The following THPO variants were observed in gnomAD, a reference collection of about 807,000 sequenced individuals.
THPO encodes the protein thrombopoietin, also known as MPL ligand.
Under a neutral mutation model 17.0 loss-of-function variants are expected in THPO, and 12 were observed. The ratio of observed to expected loss-of-function variants is 0.71; its 90% CI spans 0.45 to 1.14. The LOEUF (loss-of-function observed/expected upper bound fraction) is 1.14. Ranked by LOEUF, THPO falls within the 50% of genes most tolerant of loss-of-function variation. The pLI, the probability that THPO is intolerant of heterozygous loss-of-function variation, is 0.00. For missense variants in THPO, 365 were observed against 427.5 expected (o/e 0.85, Z 1.29); for synonymous variants, 188 against 183.0 (o/e 1.03, Z -0.22).
chr3:184,375,640 A>C (rs764364413), intron 3 of THPO, 39 bp from the exon 4 acceptor site: 1 of 1,604,464 alleles, frequency 6.2e-7, no homozygotes, highest in South Asian at 1.1e-5. Flanking sequence ...GGGAGCTGAA[A>C]TAGAGAGAGC....
chr3:184,372,446 CA>C lies in THPO; in HGVS notation c.*66del. On this transcript the variant is annotated 3_prime_UTR_variant, in exon 6 of 6. Coordinates refer to ENST00000647395, the MANE Select transcript of THPO (RefSeq NM_000460.4). ...TAGGAAATCTTGTCCAGTTGTCTCC[CA>C]GGGGCGCCCTGCAGGGAAGGGAGCT... 4 of 1,595,512 alleles carry C rather than the reference CA, an allele frequency of 2.5e-6. No individual in the cohort carries two copies. Among genetic ancestry groups the C allele is most frequent in the Non-Finnish European group, 3.4e-6 (4 of 1,163,990 alleles).
intron 1 of THPO, 41 bp from the exon 2 acceptor site, chr3:184,376,445 AG>A (rs1396053090): frequency 1.3e-6 from 2 of 1,487,380 alleles, no homozygotes. Context: ...CCAAGTTTCT[AG>A]GAAGAGACTG....
In THPO at chr3:184,372,303, G is replaced by A; in HGVS notation, c.*210C>T. The A allele has an allele frequency of 1.7e-6, 1 of 602,768 alleles. No homozygotes were observed. The allele number at this position is 602,768 out of a possible 1,614,324, so 37.3% of individuals were successfully genotyped here. ...AGACCAAAGAGCTAGCTGCTCTGAT[G>A]AGTATTGCTGATAGCTTAAAAAAAT... On this transcript the variant is annotated 3_prime_UTR_variant, in exon 6 of 6. Transcript: ENST00000647395.
chr3:184,374,031 C>T (rs1382179220), intron 4 of THPO, among the ~76,000 whole-genome samples: 2 of 152,140 alleles, frequency 1.3e-5, no homozygotes, highest in African/African-American at 4.8e-5. Context: ...AGTTCAAGAT[C>T]AGCCTGGCCA....
intron 1 of THPO, among the ~76,000 whole-genome samples, chr3:184,376,936 T>G (rs13084750): frequency 1.3e-5 from 2 of 152,030 alleles, no homozygotes; most frequent in South Asian, 4.1e-4. Context: ...GAATCGGACA[T>G]GGATTTGGTG....
chr3:184,375,771 C>A, intron 3 of THPO, 117 bp downstream of exon 3: 1 of 1,538,968 alleles, frequency 6.5e-7, no homozygotes, highest in South Asian at 1.1e-5. Context: ...TAGGTGGGGA[C>A]AATATGGGAA....
rs1126665 is a variant in THPO, at chr3:184,373,464, C to A, written c.347G>T (p.Gly116Val). The stretch of plus-strand genomic sequence containing the variant: ...GGCCCCAAGGAGGAGACGGACCTGT[C>A]CAGAAAGCTGCCCCAGGAGGGATGA... ...CLSSLLGQLS[G>V]QVRLLLGALQ... Residue 116 changes from glycine to valine, a missense_variant, in exon 5 of 6, where the codon GGA becomes GTA. Physicochemically the swap from Gly to Val is moderately radical, Grantham distance 109. Transcript: ENST00000647395. 5.1e-5 allele frequency: 82 copies of A among 1,614,022 alleles called. No homozygotes were observed. The African/African-American group carries it at 1.0e-3, about 20-fold the overall frequency.
rs368718658 is a variant in THPO, at chr3:184,377,302, C to T, written c.-146+773G>A. Among the ~76,000 whole-genome samples, 10 of 152,302 alleles carry T rather than the reference C, an allele frequency of 6.6e-5. 3 individuals are homozygous for T. ...CTATCTACCCCCACACATAAAGCCACTGGAGCTTTTCTCTGGACTCCAAGT... is the reference window on the plus strand; with the variant it reads ...CTATCTACCCCCACACATAAAGCCATTGGAGCTTTTCTCTGGACTCCAAGT... On this transcript the variant is annotated intron_variant, in intron 1 of 5. Transcript: ENST00000647395.
chr3:184,375,570 G>T lies in THPO; in HGVS notation c.173C>A (p.Thr58Lys). Residue 58 changes from threonine (T) to lysine (K), a missense_variant, in exon 4 of 6, where the codon ACA (threonine) becomes AAA (lysine). By Grantham distance (78) the Thr-to-Lys change is moderately conservative. Coordinates refer to ENST00000647395, the MANE Select transcript of THPO (RefSeq NM_000460.4). Reference protein sequence around the residue: ...SQCPEVHPLPTPVLLPAVDFS... With the variant: ...SQCPEVHPLPKPVLLPAVDFS... ...GTCCACAGCAGGCAGCAGGACAGGT[G>T]TAGGCAAAGGGTGAACCTCTGGGCA... The T allele has an allele frequency of 6.2e-7, 1 of 1,614,152 alleles. No individual in the cohort carries two copies. The highest frequency in any genetic ancestry group is 1.1e-5 in the South Asian group (1 of 91,078).
Position 184,373,029 on chromosome 3 carries a change from G to C in THPO, c.546C>G (p.Val182=). 6.2e-7 allele frequency: 1 copy of C among 1,614,106 alleles called. No homozygotes were observed. Among genetic ancestry groups the C allele is most frequent in the South Asian group, 1.1e-5 (1 of 91,088 alleles). Residue 182 remains valine, a synonymous_variant, in exon 6 of 6, where the codon GTC becomes GTG. Transcript: ENST00000647395. The stretch of plus-strand genomic sequence containing the variant: ...TGAGGACTAGAGAGGTTCTGCTGGG[G>C]ACAGCTGTGGTGGGTGGGGCCCGCC... ...CVRRAPPTTA[V]PSRTSLVLTL...
intron 1 of THPO, among the ~76,000 whole-genome samples, chr3:184,376,856 AAG>A (rs773271371): frequency 1.7e-3 from 207 of 121,544 alleles, no homozygotes; most frequent in Middle Eastern, 4.9e-3. Context: ...AAAAAAAAAA[AAG>A]AAAGAAAGAA....
chr3:184,372,581 G>A lies in THPO; in HGVS notation c.994C>T (p.Pro332Ser), dbSNP rs1032371674. 11 of 1,613,990 alleles carry A rather than the reference G, an allele frequency of 6.8e-6. No individual in the cohort carries two copies. The highest frequency in any genetic ancestry group is 1.1e-5 in the South Asian group (1 of 91,084). The change falls in exon 6 of 6, where the codon CCC becomes TCC. Residue 332 changes from proline to serine, a missense_variant. Coordinates refer to ENST00000647395, the MANE Select transcript of THPO (RefSeq NM_000460.4). ...TTTAGAAGAGGGCTGGTAGGGGTGG[G>A]CGTTGGAGCAGAAGGGTCAGGAAGC... ...PLLPDPSAPT[P>S]TPTSPLLNTS... is the part of the protein sequence containing the mutation.
chr3:184,375,259 G>T (rs1236324522), intron 4 of THPO, among the ~76,000 whole-genome samples: 2 of 152,182 alleles, frequency 1.3e-5, no homozygotes, highest in African/African-American at 2.4e-5. Context: ...AACGGGAATA[G>T]GTCAAAGGCA....
rs774590696 is a variant in THPO at position 184,373,071 on chromosome 3, C to A, written c.504G>T (p.Gly168=). 13 of 1,613,928 alleles carry A rather than the reference C, an allele frequency of 8.1e-6. No individual in the cohort carries two copies. In the Admixed American group the frequency reaches 1.5e-4, roughly 19 times the overall value. Residue 168 remains glycine, a synonymous_variant, in exon 6 of 6, where the codon GGG becomes GGT. Coordinates refer to ENST00000647395, the MANE Select transcript of THPO (RefSeq NM_000460.4). ...GKVRFLMLVG[G]STLCVRRAPP... ...GGGCCCGCCTGACGCAGAGGGTGGA[C>A]CCTCCTACAAGCATCAGGAAACGCA...
chr3:184,375,529 AT>A lies in THPO; in HGVS notation c.213del (p.Glu71AspfsTer18). 6.2e-7 allele frequency: 1 copy of A among 1,614,176 alleles called. No individual in the cohort carries two copies. ...GGCTTTCTTACCATCTGGGTTTTCCATTCTCCCAAGCTAAAGTCCACAGCAG... is the reference window on the plus strand; with the variant it reads ...GGCTTTCTTACCATCTGGGTTTTCCATCTCCCAAGCTAAAGTCCACAGCAG... Reference protein sequence around the residue: ...LLPAVDFSLGEWKTQMEETKA... With the variant: ...LLPAVDFSLGXWKTQMEETKA... On this transcript the variant is annotated frameshift_variant, in exon 4 of 6. Transcript: ENST00000647395. LOFTEE classifies it high-confidence loss of function.
chr3:184,377,935 T>G, intron 1 of THPO, 140 bp downstream of exon 1: 3 of 612,158 alleles, frequency 4.9e-6, no homozygotes, highest in Non-Finnish European at 6.1e-6. Flanking sequence ...GCTCCTCCCA[T>G]TCTGGGAAGG....
chr3:184,374,046 G>A (rs1168941924), intron 4 of THPO, among the ~76,000 whole-genome samples: 2 of 152,122 alleles, frequency 1.3e-5, no homozygotes, highest in Admixed American at 6.5e-5. Context: ...TGGCCAACAT[G>A]GTGAAACCCC....
At chr3:184,376,967 C>T (rs1184721509) in intron 1 of THPO, among the ~76,000 whole-genome samples, 2 of 152,160 alleles carry the variant, frequency 1.3e-5, no homozygotes, top group Non-Finnish European at 2.9e-5. Context: ...CTGCTGAGAG[C>T]AGCAGGACAT....
At chr3:184,373,304 TC>T in intron 5 of THPO, 110 bp downstream of exon 5, 1 of 1,551,812 alleles carries the variant, frequency 6.4e-7, no homozygotes, top group Non-Finnish European at 8.9e-7. Context: ...TCTTAGTAGA[TC>T]AGCTCTTCTG....
Sources: gnomAD v4.1 joint callset for allele counts (sites outside exome capture counted in the v4.1 genomes callset) on GRCh38, gnomAD v4.1.1 for gene constraint, MANE v1.5 for transcripts, NCBI Gene and HGNC (gene_info 2026-07-23, HGNC 2026-07-21) for gene names.